The following SRC variants were observed in gnomAD, a reference collection of about 807,000 sequenced individuals.
SRC encodes SRC proto-oncogene, non-receptor tyrosine kinase.
SRC carries 13 observed loss-of-function variants against 62.9 expected under a neutral mutation model. The observed-to-expected ratio is 0.21, with a 90% CI of 0.13 to 0.33. The LOEUF is 0.33. Among genes scored for constraint, SRC ranks in the 10% least tolerant of loss-of-function variants. The probability of loss-of-function intolerance (pLI) is 1.00; values close to 1 mark genes in which losing one functional copy is unlikely to be tolerated. For synonymous variants in SRC, 302 were observed against 317.5 expected, an observed-to-expected ratio of 0.95 and a Z score of 0.52; for missense variants, 457 against 737.3, an observed-to-expected ratio of 0.62 and a Z score of 4.40.
chr20:37,396,268 C>T lies in SRC; in HGVS notation c.660C>T (p.Arg220=). The T allele has an allele frequency of 1.2e-6, 2 of 1,613,910 alleles. No individual in the cohort carries two copies. The highest frequency in any genetic ancestry group is 8.5e-7 in the Non-Finnish European group (1 of 1,179,980). The change falls in exon 8 of 14, where the codon CGC becomes CGT. Residue 220 remains arginine, a synonymous_variant. Coordinates refer to ENST00000373578, the MANE Select transcript of SRC (RefSeq NM_198291.3). The surrounding 1 kb of genome is among the most constrained non-coding windows in gnomAD (Gnocchi z 6.1). ...GCGGCGGCTTCTACATCACCTCCCG[C>T]ACCCAGTTCAACAGCCTGCAGCAGC... ...LDSGGFYITS[R]TQFNSLQQLV...
chr20:37,362,145 C>G (rs2069983735), intron 1 of SRC, among the ~76,000 whole-genome samples: 2 of 151,922 alleles, frequency 1.3e-5, no homozygotes, highest in Non-Finnish European at 2.9e-5. Flanking sequence ...GCCTCAAACT[C>G]CTGGGTGCAA....
In SRC at chr20:37,384,444, C is replaced by T; in HGVS notation, c.250+41C>T. ...GCGCGGGGTCCTCGCCCACCTGGGG[C>T]CACGGCGGGGAGGCGGCGGGGCTGT... On this transcript the variant is annotated intron_variant, in intron 4 of 13. Coordinates refer to ENST00000373578, the MANE Select transcript of SRC (RefSeq NM_198291.3). The surrounding 1 kb of genome is among the most constrained non-coding windows in gnomAD (Gnocchi z 6.7). The T allele has an allele frequency of 7.7e-7, 1 of 1,306,334 alleles. No individual in the cohort carries two copies. The highest frequency in any genetic ancestry group is 2.3e-5 in the South Asian group (1 of 44,326). The allele number at this position is 1,306,334 out of a possible 1,614,324, so 80.9% of individuals were successfully genotyped here. A position where few individuals can be genotyped will look rare whatever the true frequency, so the allele number is the denominator to read the frequency against.
intron 5 of SRC, 60 bp downstream of exon 5, chr20:37,386,234 G>T (rs566737658): frequency 4.7e-6 from 7 of 1,494,776 alleles, no homozygotes; most frequent in Non-Finnish European, 6.5e-6. Context: ...AAAGCGGGCA[G>T]GGGCTCATGC....
chr20:37,347,249 C>CCAGCCA (rs934428825), intron 1 of SRC, among the ~76,000 whole-genome samples: 72 of 152,244 alleles, frequency 4.7e-4, no homozygotes, highest in African/African-American at 1.6e-3. Flanking sequence ...AAGTCCAGGC[C>CCAGCCA]CAGCCACAGC....
chr20:37,350,035 C>T (rs2069779975), intron 1 of SRC, among the ~76,000 whole-genome samples: 2 of 152,206 alleles, frequency 1.3e-5, no homozygotes, highest in African/African-American at 2.4e-5. Context: ...CTGAAAAAGG[C>T]CACCACTTCC....
chr20:37,358,818 T>A (rs989551584), intron 1 of SRC, among the ~76,000 whole-genome samples: 1 of 152,258 alleles, frequency 6.6e-6, no homozygotes, highest in African/African-American at 2.4e-5. Context: ...CCCCTCCATG[T>A]CTGCCGGTGT....
In SRC at chr20:37,363,565, C is replaced by T. The variant is rs949588755; in HGVS notation, c.-246-1639C>T. On this transcript the variant is annotated intron_variant, in intron 1 of 13. Coordinates refer to ENST00000373578, the MANE Select transcript of SRC (RefSeq NM_198291.3). ...GGCCCCTGTGGCCTTGTATGTAAAACGAGTGTGGCCACAGCTTGCTACAGG... is the reference window on the plus strand; with the variant it reads ...GGCCCCTGTGGCCTTGTATGTAAAATGAGTGTGGCCACAGCTTGCTACAGG... Among the ~76,000 whole-genome samples, 11 of 152,246 alleles carry T rather than the reference C, an allele frequency of 7.2e-5. No homozygotes were observed. In the East Asian group the frequency reaches 9.7e-4, roughly 13 times the overall value.
In SRC at chr20:37,379,449, C is replaced by T. The variant is rs184485792; in HGVS notation, c.-172-3170C>T. ...GAGGGTGGTCTCTCATGAGGTCCCA[C>T]GGCATGGAAGCAGCCCTCCGAGACT... is the stretch of plus-strand genomic sequence containing the variant. On this transcript the variant is annotated intron_variant, in intron 2 of 13. Transcript: ENST00000373578. Among the ~76,000 whole-genome samples the T allele has an allele frequency of 8.9e-4, 135 of 152,164 alleles. 1 individual carries two copies. The highest frequency in any genetic ancestry group is 3.1e-3 in the African/African-American group (127 of 41,516).
chr20:37,383,889 G>A (rs530337773), intron 3 of SRC, among the ~76,000 whole-genome samples: 1 of 147,130 alleles, frequency 6.8e-6, no homozygotes, highest in Non-Finnish European at 1.5e-5. Context: ...GTGCCACCAT[G>A]CCCGGCTAAT....
At chr20:37,372,379 C>T (rs984386929) in intron 2 of SRC, among the ~76,000 whole-genome samples, 4 of 152,102 alleles carry the variant, frequency 2.6e-5, no homozygotes, top group African/African-American at 9.7e-5. Context: ...TATGTTGTAT[C>T]TTCATTTTCT....
intron 6 of SRC, 35 bp downstream of exon 6, chr20:37,394,028 C>T (rs2070596876): frequency 6.2e-7 from 1 of 1,601,280 alleles, no homozygotes; most frequent in Admixed American, 1.7e-5. Flanking sequence ...TACCCGTCGT[C>T]CCTGGACACT....
rs1297502476 is a variant in SRC, at chr20:37,396,859, TGTGTGCCC to T, written c.703+554_703+561del. On this transcript the variant is annotated intron_variant, in intron 8 of 13. Transcript: ENST00000373578. This position sits in a 1 kb window ranked among gnomAD's most constrained non-coding sequence, Gnocchi z 6.1. ...CTGCAGTGTCGGGCCTGTGGGTGCC[TGTGTGCCC>T]GTGTGTCTGTGGCACACATGGCCTC... The T allele has an allele frequency of 1.3e-5, 2 of 158,906 alleles. No homozygotes were observed. Among genetic ancestry groups the T allele is most frequent in the Admixed American group, 1.2e-4 (2 of 16,580 alleles). 9.8% of individuals were successfully genotyped at this position (158,906 alleles called of 1,614,324 possible). A position where few individuals can be genotyped will look rare whatever the true frequency, so the allele number is the denominator to read the frequency against.
At chr20:37,369,346 C>A (rs897827860) in intron 2 of SRC, among the ~76,000 whole-genome samples, 1 of 152,068 alleles carries the variant, frequency 6.6e-6, no homozygotes, top group African/African-American at 2.4e-5. Flanking sequence ...TTGTAGTTTT[C>A]GGAGTATAAG....
chr20:37,386,449 C>T, intron 5 of SRC: 1 of 685,914 alleles, frequency 1.5e-6, no homozygotes, highest in East Asian at 2.8e-5. Flanking sequence ...TTCTCTCTCG[C>T]TGGCCCTTAG....
At chr20:37,375,693 T>G (rs1166638311) in intron 2 of SRC, among the ~76,000 whole-genome samples, 2 of 152,130 alleles carry the variant, frequency 1.3e-5, no homozygotes, top group Non-Finnish European at 2.9e-5. Context: ...CTAAGCTAAT[T>G]GTATTGGCAA....
intron 2 of SRC, among the ~76,000 whole-genome samples, chr20:37,379,150 GC>G (rs1207614065): frequency 3.9e-5 from 6 of 152,112 alleles, no homozygotes; most frequent in Non-Finnish European, 2.9e-5. Flanking sequence ...GAGCCATAGT[GC>G]AGGCCCCCTG....
rs530337773 is a variant in SRC, at chr20:37,383,889, G to T, written c.-4-261G>T. ...TGGGACTACAGGCGCGTGCCACCAT[G>T]CCCGGCTAATTTTTTTTTTTTTTTC... is the stretch of plus-strand genomic sequence containing the variant. On this transcript the variant is annotated intron_variant, in intron 3 of 13. Transcript: ENST00000373578. Among the ~76,000 whole-genome samples the T allele has an allele frequency of 4.8e-5, 7 of 147,232 alleles. No homozygotes were observed. In the South Asian group the frequency reaches 1.5e-3, roughly 31 times the overall value.
chr20:37,380,331 G>A (rs2070347765), intron 2 of SRC, among the ~76,000 whole-genome samples: 1 of 152,110 alleles, frequency 6.6e-6, no homozygotes, highest in East Asian at 1.9e-4. Flanking sequence ...TGCCCAGTGT[G>A]GTGGCCCCTT....
chr20:37,397,728 A>T lies in SRC; in HGVS notation c.733A>T (p.Thr245Ser). Residue 245 changes from threonine (T) to serine (S), a missense_variant, in exon 9 of 14, where the codon ACC (threonine) becomes TCC (serine). By Grantham distance (58) the Thr-to-Ser change is moderately conservative. Transcript: ENST00000373578. The surrounding 1 kb of genome is among the most constrained non-coding windows in gnomAD (Gnocchi z 4.1). ...KHADGLCHRL[T>S]TVCPTSKPQT... ...CGCCGATGGCCTGTGCCACCGCCTC[A>T]CCACCGTGTGCCCCACGTCCAAGCC... is the stretch of plus-strand genomic sequence containing the variant. 1 of 1,602,586 alleles carries T rather than the reference A, an allele frequency of 6.2e-7. No individual in the cohort carries two copies. Among genetic ancestry groups the T allele is most frequent in the Non-Finnish European group, 8.5e-7 (1 of 1,173,730 alleles).
Sources: allele counts gnomAD v4.1 joint callset (sites outside exome capture counted in the v4.1 genomes callset), GRCh38; gene constraint gnomAD v4.1.1; non-coding constraint Gnocchi (gnomAD v3.1); transcripts MANE v1.5; gene names NCBI Gene and HGNC (gene_info 2026-07-23, HGNC 2026-07-21).